HTR2B: variants seen among roughly 807,000 people sequenced by gnomAD.
The protein encoded by HTR2B is 5-hydroxytryptamine receptor 2B, also known as 5-HT 2B receptor.
HTR2B carries 31 observed loss-of-function variants against 39.8 expected under a neutral mutation model. The ratio of observed to expected loss-of-function variants is 0.78; its 90% CI spans 0.58 to 1.05. The LOEUF is 1.05. Among genes scored for constraint, HTR2B ranks in the 50% least tolerant of loss-of-function variants. The probability of loss-of-function intolerance (pLI) is 0.00; values close to 1 mark genes in which losing one functional copy is unlikely to be tolerated. For missense variants in HTR2B, 562 were observed against 578.0 expected, an observed-to-expected ratio of 0.97 and a Z score of 0.28; for synonymous variants, 210 against 207.1, an observed-to-expected ratio of 1.01 and a Z score of -0.12.
chr2:231,119,751 G>T (rs1347824859), intron 2 of HTR2B, among the ~76,000 whole-genome samples: 1 of 151,132 alleles, frequency 6.6e-6, no homozygotes, highest in African/African-American at 2.4e-5. Flanking sequence ...TGCGCCTGTA[G>T]TCCCAGCTAC....
intron 1 of HTR2B, 143 bp from the exon 2 acceptor site, chr2:231,124,273 C>G (rs908650774): frequency 2.5e-5 from 4 of 159,308 alleles, no homozygotes; most frequent in Non-Finnish European, 5.6e-5. Context: ...TACTGTATTT[C>G]TGATGTTGCT....
intron 2 of HTR2B, among the ~76,000 whole-genome samples, chr2:231,117,353 A>C (rs1695378370): frequency 5.3e-5 from 8 of 152,112 alleles, no homozygotes; most frequent in Admixed American, 5.2e-4. Flanking sequence ...AATGGAAAGA[A>C]AGAAATGTGT....
intron 2 of HTR2B, among the ~76,000 whole-genome samples, chr2:231,122,754 T>TATC (rs1319949420): frequency 1.3e-5 from 2 of 152,108 alleles, no homozygotes; most frequent in Non-Finnish European, 2.9e-5. Flanking sequence ...CTTACCAACT[T>TATC]AGAGGCCTAT....
At chr2:231,120,649 A>G (rs1298564881) in intron 2 of HTR2B, among the ~76,000 whole-genome samples, 1 of 152,230 alleles carries the variant, frequency 6.6e-6, no homozygotes, top group Non-Finnish European at 1.5e-5. Context: ...CAGTATAAGG[A>G]CAGAAGGTCC....
intron 3 of HTR2B, among the ~76,000 whole-genome samples, chr2:231,112,133 C>T (rs761920541): frequency 3.9e-5 from 6 of 152,086 alleles, no homozygotes; most frequent in Non-Finnish European, 4.4e-5. Context: ...CTCTGTCCAA[C>T]TCTCCCACCC....
chr2:231,109,736 A>G (rs555035077), intron 3 of HTR2B, among the ~76,000 whole-genome samples: 1 of 152,192 alleles, frequency 6.6e-6, no homozygotes, highest in South Asian at 2.1e-4. Flanking sequence ...TTTTTAAGCT[A>G]TCTCAGATTA....
chr2:231,113,605 A>T, intron 3 of HTR2B, 124 bp downstream of exon 3: 1 of 829,478 alleles, frequency 1.2e-6, no homozygotes, highest in Non-Finnish European at 2.1e-6. Context: ...GCTTATGTTA[A>T]TGTATCAGTA....
In HTR2B at chr2:231,115,497, A is replaced by T. The variant is rs549684381; in HGVS notation, c.353-1568T>A. ...ATGATTGGGACTTAGTTCTATGTTC[A>T]GCAGCTTCTTAAAAAGGGATTAAAG... On this transcript the variant is annotated intron_variant, in intron 2 of 3. Transcript: ENST00000258400. Among the ~76,000 whole-genome samples the T allele has an allele frequency of 1.6e-4, 25 of 152,302 alleles. No individual in the cohort carries two copies. The Middle Eastern group carries it at 0.01, about 62-fold the overall frequency.
chr2:231,111,302 A>G (rs1695149015), intron 3 of HTR2B, among the ~76,000 whole-genome samples: 1 of 152,168 alleles, frequency 6.6e-6, no homozygotes, highest in Non-Finnish European at 1.5e-5. Context: ...CCTCACTCCT[A>G]GAGAACTTCT....
At position 231,110,755 on chromosome 2, in the gene HTR2B, A is replaced by G. The variant is rs182739295; in HGVS notation, c.554-1346T>C. Among the ~76,000 whole-genome samples the G allele has an allele frequency of 2.0e-3, 299 of 152,306 alleles. 3 individuals are homozygous for G. Among genetic ancestry groups the G allele is most frequent in the African/African-American group, 6.4e-3 (265 of 41,560 alleles). ...TTTGAGGACCATTGGCCCACATTCTATTTTTGTAAAAGTTTTATTGGCATA... is the reference window on the plus strand; with the variant it reads ...TTTGAGGACCATTGGCCCACATTCTGTTTTTGTAAAAGTTTTATTGGCATA... On this transcript the variant is annotated intron_variant, in intron 3 of 3. Transcript: ENST00000258400.
At chr2:231,123,350 C>A (rs1260433449) in intron 2 of HTR2B, 63 bp downstream of exon 2, 1 of 1,138,596 alleles carries the variant, frequency 8.8e-7, no homozygotes, top group Admixed American at 1.7e-5. Flanking sequence ...AAATGAGTGT[C>A]CATTCTCTAA....
chr2:231,110,021 C>T (rs1341619775), intron 3 of HTR2B, among the ~76,000 whole-genome samples: 1 of 152,138 alleles, frequency 6.6e-6, no homozygotes, highest in Non-Finnish European at 1.5e-5. Flanking sequence ...CTTAATCTTT[C>T]TTCTTCTGTA....
At chr2:231,116,172 T>C (rs1341305385) in intron 2 of HTR2B, among the ~76,000 whole-genome samples, 1 of 152,158 alleles carries the variant, frequency 6.6e-6, no homozygotes. Flanking sequence ...GAAAAGGACC[T>C]TGGACACAGG....
Position 231,109,086 on chromosome 2 carries a change from G to A in HTR2B, c.877C>T (p.Leu293=). The A allele has an allele frequency of 6.2e-7, 1 of 1,614,212 alleles. No individual in the cohort carries two copies. The highest frequency in any genetic ancestry group is 8.5e-7 in the Non-Finnish European group (1 of 1,180,024). Residue 293 remains leucine, a synonymous_variant, in exon 4 of 4, where the codon CTG becomes TTG. Transcript: ENST00000258400. ...AGTGTTTCATCACCTGAGTTGGGCAGAGCCTTGTCCTTTCGAGAACCATCC... is the reference window on the plus strand; with the variant it reads ...AGTGTTTCATCACCTGAGTTGGGCAAAGCCTTGTCCTTTCGAGAACCATCC... ...MLDGSRKDKA[L]PNSGDETLMR... is the part of the protein sequence containing the mutation.
chr2:231,117,374 C>A (rs1695379602), intron 2 of HTR2B, among the ~76,000 whole-genome samples: 1 of 152,026 alleles, frequency 6.6e-6, no homozygotes, highest in Admixed American at 6.6e-5. Context: ...ATCTAAGGGT[C>A]AGTCTGAGGG....
In HTR2B at chr2:231,123,908, T is replaced by A. The variant is rs1189429770; in HGVS notation, c.-144A>T. The A allele has an allele frequency of 4.3e-6, 3 of 697,360 alleles. No individual in the cohort carries two copies. The highest frequency in any genetic ancestry group is 1.5e-5 in the South Asian group (1 of 66,474). 43.2% of individuals were successfully genotyped at this position (697,360 alleles called of 1,614,324 possible). A position where few individuals can be genotyped will look rare whatever the true frequency, so the allele number is the denominator to read the frequency against. ...TGACACCTTCCTTTAAAAAAAAAAA[T>A]TCAAGTTCTCTAAAATGAGCGCATA... On this transcript the variant is annotated 5_prime_UTR_variant, in exon 2 of 4. Transcript: ENST00000258400.
intron 2 of HTR2B, among the ~76,000 whole-genome samples, chr2:231,119,104 T>G (rs1333898055): frequency 6.6e-6 from 1 of 152,270 alleles, no homozygotes; most frequent in Non-Finnish European, 1.5e-5. Context: ...GTGTTTTAAA[T>G]GTTTTAAGCA....
At position 231,118,024 on chromosome 2, in the gene HTR2B, A is replaced by G. The variant is rs559620298; in HGVS notation, c.353-4095T>C. On this transcript the variant is annotated intron_variant, in intron 2 of 3. Coordinates refer to ENST00000258400, the MANE Select transcript of HTR2B (RefSeq NM_000867.5). ...TAAAGGTTAAGAGTGTGAATTCTAG[A>G]ATCAGTCCTCCTGGGTTTAAATCAT... Among the ~76,000 whole-genome samples the G allele has an allele frequency of 4.6e-5, 7 of 152,180 alleles. No homozygotes were observed. The East Asian group carries it at 1.3e-3, about 29-fold the overall frequency.
chr2:231,111,435 A>G (rs1574738453), intron 3 of HTR2B, among the ~76,000 whole-genome samples: 2 of 152,130 alleles, frequency 1.3e-5, no homozygotes, highest in African/African-American at 4.8e-5. Context: ...CAGGACTCAC[A>G]CTACTTTCCT....
Sources: allele counts gnomAD v4.1 joint callset (sites outside exome capture counted in the v4.1 genomes callset), GRCh38; gene constraint gnomAD v4.1.1; transcripts MANE v1.5; gene names NCBI Gene and HGNC (gene_info 2026-07-23, HGNC 2026-07-21).